The following CERKL variants were observed in gnomAD, a reference collection of about 807,000 sequenced individuals.
The protein encoded by CERKL is ceramide kinase-like protein.
CERKL carries 61 observed loss-of-function variants against 63.4 expected under a neutral mutation model. That is an observed-to-expected ratio of 0.96 (90% CI 0.78 to 1.19). The LOEUF is 1.19. CERKL is among the 50% of genes most tolerant of loss of function. CERKL has a pLI of 0.00. For synonymous variants in CERKL, 250 were observed against 230.5 expected (o/e 1.08, Z -0.77); for missense variants, 675 against 655.5 (o/e 1.03, Z -0.33).
chr2:181,538,298 C>T, intron 12 of CERKL, 54 bp from the exon 13 acceptor site: 1 of 1,036,076 alleles, frequency 9.7e-7, no homozygotes, highest in Non-Finnish European at 1.5e-6. Context: ...TTCACATACA[C>T]CTAATAAGTA....
intron 4 of CERKL, chr2:181,565,361 A>G (rs1574454475): frequency 3.0e-6 from 3 of 985,780 alleles, no homozygotes; most frequent in East Asian, 4.8e-5. Context: ...TTAGTCTTAC[A>G]CATCAGTCCA....
In CERKL at chr2:181,558,494, G is replaced by T; in HGVS notation, c.820+72C>A. ...CTGTTCATTAATTCTGTGTTGTGCT[G>T]TCTAGATTAGCAAGTAAGAAAGGAA... On this transcript the variant is annotated intron_variant, in intron 5 of 12. Coordinates refer to ENST00000410087, the MANE Select transcript of CERKL (RefSeq NM_201548.5). The surrounding 1 kb of genome is among the most constrained non-coding windows in gnomAD (Gnocchi z 4.2). 6.7e-7 allele frequency: 1 copy of T among 1,495,238 alleles called. No individual in the cohort carries two copies. The highest frequency in any genetic ancestry group is 9.3e-7 in the Non-Finnish European group (1 of 1,078,314). The allele number at this position is 1,495,238 out of a possible 1,614,324, so 92.6% of individuals were successfully genotyped here.
At chr2:181,653,247 GAC>G (rs1469718440) in intron 1 of CERKL, among the ~76,000 whole-genome samples, 1 of 152,084 alleles carries the variant, frequency 6.6e-6, no homozygotes, top group Non-Finnish European at 1.5e-5. Context: ...TTGCCAAAAA[GAC>G]AAAAGAAAAT....
intron 1 of CERKL, among the ~76,000 whole-genome samples, chr2:181,649,289 A>C (rs955214282): frequency 6.6e-6 from 1 of 152,226 alleles, no homozygotes; most frequent in Non-Finnish European, 1.5e-5. Context: ...TTTAAGTCAA[A>C]AACTGTAAAA....
At chr2:181,609,533 T>TGAA (rs1267362169) in intron 1 of CERKL, among the ~76,000 whole-genome samples, 14,945 of 70,112 alleles carry the variant, frequency 0.21, 2,159 homozygotes, top group African/African-American at 0.38. Flanking sequence ...CTGTCTCTAC[T>TGAA]AAAAAAAAAA....
intron 1 of CERKL, among the ~76,000 whole-genome samples, chr2:181,649,300 A>G (rs987543968): frequency 1.3e-5 from 2 of 152,220 alleles, no homozygotes; most frequent in Admixed American, 1.3e-4. Context: ...AACTGTAAAA[A>G]GAGACAAAGA....
chr2:181,583,381 GC>G (rs1037268123), intron 2 of CERKL, among the ~76,000 whole-genome samples: 2 of 152,124 alleles, frequency 1.3e-5, no homozygotes, highest in African/African-American at 4.8e-5. Context: ...CCTTAGCTTA[GC>G]CTCATGAATA....
intron 5 of CERKL, among the ~76,000 whole-genome samples, chr2:181,552,951 G>T (rs1449256): frequency 6.6e-6 from 1 of 151,904 alleles, no homozygotes; most frequent in Admixed American, 6.6e-5. Flanking sequence ...TAGATCCCCA[G>T]GTGGTTTGTA....
chr2:181,545,651 TTGTTCA>T (rs2105798714), intron 10 of CERKL, among the ~76,000 whole-genome samples: 1 of 152,272 alleles, frequency 6.6e-6, no homozygotes, highest in East Asian at 1.9e-4. Flanking sequence ...TTTAAGTGAT[TTGTTCA>T]AAGGCACACA....
chr2:181,653,751 G>A (rs1688031578), intron 1 of CERKL, among the ~76,000 whole-genome samples: 1 of 152,172 alleles, frequency 6.6e-6, no homozygotes, highest in Admixed American at 6.5e-5. Flanking sequence ...GACTGGGAAG[G>A]GGAGGGGAGA....
intron 10 of CERKL, among the ~76,000 whole-genome samples, chr2:181,546,131 A>C (rs1279643367): frequency 1.3e-5 from 2 of 152,210 alleles, no homozygotes; most frequent in Non-Finnish European, 2.9e-5. Flanking sequence ...TGTTGTGATT[A>C]TAAACCACAG....
At chr2:181,564,359 T>G (rs1450956407) in intron 4 of CERKL, among the ~76,000 whole-genome samples, 2 of 152,188 alleles carry the variant, frequency 1.3e-5, no homozygotes, top group Non-Finnish European at 2.9e-5. Context: ...TAAATCAGCA[T>G]GCCATAGAGT....
At chr2:181,594,573 T>C (rs1213967913) in intron 2 of CERKL, among the ~76,000 whole-genome samples, 1 of 152,242 alleles carries the variant, frequency 6.6e-6, no homozygotes, top group African/African-American at 2.4e-5. Flanking sequence ...CCCAGGAACC[T>C]GACCACACAC....
In CERKL at chr2:181,558,355, T is replaced by C. The variant is rs540005816; in HGVS notation, c.820+211A>G. On this transcript the variant is annotated intron_variant, in intron 5 of 12. Transcript: ENST00000410087. This position sits in a 1 kb window ranked among gnomAD's most constrained non-coding sequence, Gnocchi z 4.2. ...TAACCTTGTAATAAAGTGAATAATA[T>C]ATCTGTGATCCCTATTCTATAGATT... is the stretch of plus-strand genomic sequence containing the variant. 2.1e-4 allele frequency among the ~76,000 whole-genome samples: 32 copies of C among 152,280 alleles called. 1 individual carries two copies. The South Asian group carries it at 6.6e-3, about 32-fold the overall frequency.
intron 2 of CERKL, among the ~76,000 whole-genome samples, chr2:181,595,822 C>T (rs1286999603): frequency 5.3e-5 from 8 of 152,054 alleles, no homozygotes; most frequent in Non-Finnish European, 1.0e-4. Flanking sequence ...AATTTTATTT[C>T]CCTTCTTACA....
rs140582540 is a variant in CERKL, at chr2:181,548,550, T to C, written c.1128A>G (p.Gln376=). ...TACATTGAGTTTTTACCTACCTTTCTTGCACATCATCAGAGCTGTTAAATG... is the reference window on the plus strand; with the variant it reads ...TACATTGAGTTTTTACCTACCTTTCCTGCACATCATCAGAGCTGTTAAATG... ...FLPFNSSDDV[Q]ERRAQGSPKS... Residue 376 remains glutamine, a synonymous_variant, in exon 8 of 13, where the codon CAA becomes CAG. Transcript: ENST00000410087. 2.5e-6 allele frequency: 4 copies of C among 1,609,368 alleles called. No homozygotes were observed. Among genetic ancestry groups the C allele is most frequent in the Admixed American group, 3.3e-5 (2 of 59,820 alleles).
At chr2:181,589,722 G>A (rs1052678344) in intron 2 of CERKL, among the ~76,000 whole-genome samples, 2 of 152,070 alleles carry the variant, frequency 1.3e-5, no homozygotes, top group African/African-American at 4.8e-5. Flanking sequence ...AGAAAACATG[G>A]GTGAATTTAT....
At chr2:181,563,204 A>T (rs1688520095) in intron 4 of CERKL, among the ~76,000 whole-genome samples, 1 of 152,120 alleles carries the variant, frequency 6.6e-6, no homozygotes, top group Admixed American at 6.6e-5. Context: ...CATAAGGTTT[A>T]ACAGTGGATC....
chr2:181,570,526 T>A (rs1428411060), intron 3 of CERKL, among the ~76,000 whole-genome samples: 1 of 152,184 alleles, frequency 6.6e-6, no homozygotes, highest in Non-Finnish European at 1.5e-5. Flanking sequence ...TTGATTTGTG[T>A]ACGAATAGGT....
Sources: gnomAD v4.1 joint callset for allele counts (sites outside exome capture counted in the v4.1 genomes callset) on GRCh38, gnomAD v4.1.1 for gene constraint, Gnocchi (gnomAD v3.1) non-coding constraint, MANE v1.5 for transcripts, NCBI Gene and HGNC (gene_info 2026-07-23, HGNC 2026-07-21) for gene names.